The following DHRSX variants were observed in gnomAD, a reference collection of about 807,000 sequenced individuals.
DHRSX encodes the protein dehydrogenase/reductase X-linked, also known as polyprenol dehydrogenase.
Under a neutral mutation model 34.0 loss-of-function variants are expected in DHRSX, and 31 were observed. The observed-to-expected ratio is 0.91, with a 90% CI of 0.69 to 1.23. DHRSX has a LOEUF of 1.23. Ranked by LOEUF, DHRSX falls within the 50% of genes most tolerant of loss-of-function variation. DHRSX has a pLI of 0.00. For synonymous variants in DHRSX, 201 were observed against 183.8 expected, an observed-to-expected ratio of 1.09 and a Z score of -0.76; for missense variants, 414 against 428.1, an observed-to-expected ratio of 0.97 and a Z score of 0.29.
At chrX:2,326,748 G>T (rs62583695) in intron 3 of DHRSX, among the ~76,000 whole-genome samples, 96,010 of 151,498 alleles carry the variant, frequency 0.63, 32,254 homozygotes, top group Non-Finnish European at 0.76. Flanking sequence ...GCCCTCAAAG[G>T]AAATTACTTT....
chrX:2,250,320 A>G (rs1033049519), intron 5 of DHRSX, among the ~76,000 whole-genome samples: 1 of 152,092 alleles, frequency 6.6e-6, no homozygotes, highest in Non-Finnish European at 1.5e-5. Context: ...ATCTCGTGAG[A>G]AAGAACTCCG....
At chrX:2,260,296 C>G (rs1355124414) in intron 5 of DHRSX, among the ~76,000 whole-genome samples, 2 of 151,384 alleles carry the variant, frequency 1.3e-5, no homozygotes, top group African/African-American at 2.4e-5. Context: ...GAATGTTACT[C>G]TGGGGTATCT....
chrX:2,455,512 C>T (rs1411478068), intron 1 of DHRSX, among the ~76,000 whole-genome samples: 1 of 151,960 alleles, frequency 6.6e-6, no homozygotes, highest in African/African-American at 2.4e-5. Context: ...GAGGGCAAGG[C>T]GGGTGGATCA....
At chrX:2,251,955 T>C (rs1602802133) in intron 5 of DHRSX, among the ~76,000 whole-genome samples, 1 of 152,064 alleles carries the variant, frequency 6.6e-6, no homozygotes, top group East Asian at 1.9e-4. Flanking sequence ...TTGGAAGAAT[T>C]GGCTGGGTAT....
At chrX:2,239,599 AAAT>A (rs1361527974) in intron 6 of DHRSX, among the ~76,000 whole-genome samples, 3 of 151,058 alleles carry the variant, frequency 2.0e-5, no homozygotes, top group Non-Finnish European at 4.4e-5. Flanking sequence ...TACTAAAAAA[AAAT>A]AAAAAATAAA....
At chrX:2,457,301 G>A (rs2044312995) in intron 1 of DHRSX, among the ~76,000 whole-genome samples, 1 of 149,922 alleles carries the variant, frequency 6.7e-6, no homozygotes, top group Non-Finnish European at 1.5e-5. Flanking sequence ...GCAGCGGGAT[G>A]GCCACTGTGT....
At chrX:2,397,635 C>T in intron 3 of DHRSX, among the ~76,000 whole-genome samples, 1 of 57,972 alleles carries the variant, frequency 1.7e-5, no homozygotes, top group South Asian at 4.9e-4. Flanking sequence ...CTGACAGAGA[C>T]ATTTTTTTTT....
At chrX:2,268,186 G>C (rs936772419) in intron 4 of DHRSX, among the ~76,000 whole-genome samples, 12 of 152,186 alleles carry the variant, frequency 7.9e-5, no homozygotes, top group African/African-American at 2.7e-4. Context: ...GTCAGGCCAA[G>C]CCCGGCTGAG....
chrX:2,429,305 CAT>C (rs1412366265), intron 1 of DHRSX, among the ~76,000 whole-genome samples: 6 of 152,012 alleles, frequency 3.9e-5, no homozygotes, highest in Non-Finnish European at 7.4e-5. Flanking sequence ...TGTATGTATA[CAT>C]GTGTGTCTGT....
chrX:2,318,536 A>G (rs981617312), intron 3 of DHRSX, among the ~76,000 whole-genome samples: 6 of 152,084 alleles, frequency 3.9e-5, no homozygotes, highest in Non-Finnish European at 7.3e-5. Flanking sequence ...CTCACTGTTC[A>G]TTATACGCTA....
At chrX:2,355,441 C>G (rs6567663) in intron 3 of DHRSX, among the ~76,000 whole-genome samples, 114,663 of 146,586 alleles carry the variant, frequency 0.78, 45,291 homozygotes, top group African/African-American at 0.9. Context: ...CAGCCTGGGA[C>G]GCAAAGGTTG....
intron 4 of DHRSX, among the ~76,000 whole-genome samples, chrX:2,267,755 G>T (rs2041494514): frequency 6.6e-6 from 1 of 152,012 alleles, no homozygotes. Flanking sequence ...AGACCAGGCT[G>T]TGCACCACAG....
chrX:2,314,524 G>A (rs1164024887), intron 3 of DHRSX, among the ~76,000 whole-genome samples: 1 of 122,598 alleles, frequency 8.2e-6, no homozygotes, highest in Non-Finnish European at 1.9e-5. Context: ...AGGGAGGAAA[G>A]GCTATTCTCT....
At chrX:2,373,490 G>A (rs111592033) in intron 3 of DHRSX, among the ~76,000 whole-genome samples, 5,477 of 152,248 alleles carry the variant, frequency 0.036, 146 homozygotes, top group Non-Finnish European at 0.055. Flanking sequence ...GCCAGAATTA[G>A]GGGGTCTCTA....
chrX:2,229,507 G>C (rs1453023499), intron 6 of DHRSX, among the ~76,000 whole-genome samples: 2 of 152,016 alleles, frequency 1.3e-5, no homozygotes, highest in African/African-American at 4.8e-5. Context: ...TTCGGGGCTG[G>C]ATGTTTTCTG....
intron 5 of DHRSX, among the ~76,000 whole-genome samples, chrX:2,257,971 C>G (rs963290929): frequency 7.9e-5 from 12 of 152,206 alleles, no homozygotes; most frequent in Non-Finnish European, 1.6e-4. Context: ...AATGAGGTCA[C>G]TAGGGTAGGT....
intron 6 of DHRSX, among the ~76,000 whole-genome samples, chrX:2,232,361 C>T (rs2015914768): frequency 6.6e-6 from 1 of 152,056 alleles, no homozygotes; most frequent in Admixed American, 6.6e-5. Context: ...AACAGAACTT[C>T]CTTTAGGATT....
chrX:2,398,521 G>A (rs974940660), intron 3 of DHRSX, among the ~76,000 whole-genome samples: 3 of 152,038 alleles, frequency 2.0e-5, no homozygotes, highest in African/African-American at 4.8e-5. Context: ...TTCTGGAAAC[G>A]CACCGACTAT....
In DHRSX at chrX:2,488,787, C is replaced by A. The variant is rs140894984; in HGVS notation, c.109+12030G>T. The A allele has an allele frequency of 8.3e-5, 134 of 1,613,972 alleles. No homozygotes were observed. The African/African-American group carries it at 1.5e-3, about 17-fold the overall frequency. ...CTCCGGGCGTTCTCATACAGAAACACCTGCTCGTCCACGTGCGCGGGAGCC... is the reference window on the plus strand; with the variant it reads ...CTCCGGGCGTTCTCATACAGAAACAACTGCTCGTCCACGTGCGCGGGAGCC... On this transcript the variant is annotated intron_variant, in intron 1 of 6. Transcript: ENST00000334651.
Sources: allele counts gnomAD v4.1 joint callset (sites outside exome capture counted in the v4.1 genomes callset), GRCh38; gene constraint gnomAD v4.1.1; transcripts MANE v1.5; gene names NCBI Gene and HGNC (gene_info 2026-07-23, HGNC 2026-07-21).